LY6S: variants seen among roughly 807,000 people sequenced by gnomAD.
LY6S encodes the protein lymphocyte antigen 6 family member S, also known as lymphocyte antigen 6S.
chr8:143,072,472 C>T, the LY6S span, among the ~76,000 whole-genome samples: 2 of 129,738 alleles, frequency 1.5e-5, 1 homozygote, highest in African/African-American at 6.7e-5. Context: ...AGGAGACAGC[C>T]GTCCTCCCCG....
the LY6S span, chr8:143,044,213 G>T: frequency 2.2e-6 from 1 of 456,180 alleles, no homozygotes; most frequent in African/African-American, 2.0e-5. Flanking sequence ...CTCACAGCCT[G>T]CGCCTCTCCT....
the LY6S span, chr8:143,057,751 C>A: frequency 5.1e-6 from 4 of 787,274 alleles, no homozygotes; most frequent in Admixed American, 3.4e-5. Context: ...CTGTGTCGAT[C>A]TGATCAGCTC....
At chr8:143,048,802 G>A in the LY6S span, among the ~76,000 whole-genome samples, 1 of 152,134 alleles carries the variant, frequency 6.6e-6, no homozygotes, top group Non-Finnish European at 1.5e-5. Context: ...TTAAGAGTGC[G>A]CTGTCCCTCC....
chr8:143,072,156 A>G, the LY6S span, among the ~76,000 whole-genome samples: 2 of 152,226 alleles, frequency 1.3e-5, no homozygotes, highest in Non-Finnish European at 2.9e-5. Flanking sequence ...ATTTCTTACC[A>G]GTGTCTGCTT....
At chr8:143,073,416 G>A in the LY6S span, among the ~76,000 whole-genome samples, 1 of 101,990 alleles carries the variant, frequency 9.8e-6, no homozygotes, top group African/African-American at 5.2e-5. Context: ...CCTGTTTGAG[G>A]AGACAGCCGT....
the LY6S span, among the ~76,000 whole-genome samples, chr8:143,056,834 A>G: frequency 2.0e-5 from 3 of 152,224 alleles, no homozygotes; most frequent in Non-Finnish European, 4.4e-5. Context: ...CATCGCTGAT[A>G]TTTTTGAGGA....
the LY6S span, chr8:143,066,590 TG>T: frequency 3.5e-6 from 1 of 288,270 alleles, no homozygotes; most frequent in South Asian, 4.0e-5. Context: ...TTTGTCATCT[TG>T]GAGGCATAGA....
At chr8:143,066,896 A>G in the LY6S span, among the ~76,000 whole-genome samples, 1 of 152,154 alleles carries the variant, frequency 6.6e-6, no homozygotes. Context: ...GGGTGGAATG[A>G]TATGGTTTAG....
chr8:143,044,588 G>C, the LY6S span: 5 of 1,205,640 alleles, frequency 4.1e-6, no homozygotes, highest in Non-Finnish European at 4.3e-6. Flanking sequence ...AAGTGCTGAG[G>C]GCTTGTAGGG....
chr8:143,055,848 C>T, the LY6S span, among the ~76,000 whole-genome samples: 1 of 152,152 alleles, frequency 6.6e-6, no homozygotes, highest in Non-Finnish European at 1.5e-5. Context: ...TAAATGGCTG[C>T]TTAGACGACG....
chr8:143,059,113 C>T, the LY6S span, among the ~76,000 whole-genome samples: 2 of 152,304 alleles, frequency 1.3e-5, no homozygotes, highest in South Asian at 2.1e-4. Flanking sequence ...TCTCTTGCCT[C>T]GGCGCCTGGG....
chr8:143,050,683 C>A, the LY6S span, among the ~76,000 whole-genome samples: 731 of 152,264 alleles, frequency 4.8e-3, 5 homozygotes, highest in African/African-American at 0.017. Context: ...CTGGGAGAAC[C>A]TAACTCGTTC....
At chr8:143,062,654 C>G in the LY6S span, among the ~76,000 whole-genome samples, 690 of 152,238 alleles carry the variant, frequency 4.5e-3, 7 homozygotes, top group South Asian at 9.5e-3. Context: ...GCCTGGGTGA[C>G]AGAGTGAGAC....
the LY6S span, among the ~76,000 whole-genome samples, chr8:143,058,705 G>A: frequency 6.6e-6 from 1 of 152,272 alleles, no homozygotes; most frequent in Non-Finnish European, 1.5e-5. Context: ...CTGGGGAAAG[G>A]GAGACTTCCT....
the LY6S span, chr8:143,066,656 G>A: frequency 3.5e-5 from 6 of 170,626 alleles, no homozygotes; most frequent in Non-Finnish European, 6.4e-5. Flanking sequence ...TTTTGGAATG[G>A]GAATGTTTAC....
chr8:143,074,180 C>T, the LY6S span, among the ~76,000 whole-genome samples: 1 of 152,134 alleles, frequency 6.6e-6, no homozygotes, highest in Non-Finnish European at 1.5e-5. Context: ...TGTCTCTTAC[C>T]AATTTTGGAA....
the LY6S span, among the ~76,000 whole-genome samples, chr8:143,061,872 C>G: frequency 6.6e-6 from 1 of 152,166 alleles, no homozygotes; most frequent in Non-Finnish European, 1.5e-5. Flanking sequence ...CTTTAAGTAA[C>G]TGATAGAACA....
At chr8:143,072,382 GA>G in the LY6S span, among the ~76,000 whole-genome samples, 1 of 137,684 alleles carries the variant, frequency 7.3e-6, no homozygotes, top group African/African-American at 2.9e-5. Flanking sequence ...TCGTCCTCGG[GA>G]TTCCTCTTTG....
chr8:143,070,487 A>ATTTTTTTTTT, the LY6S span, among the ~76,000 whole-genome samples: 2 of 84,072 alleles, frequency 2.4e-5, no homozygotes, highest in African/African-American at 1.5e-4. Flanking sequence ...ATATATATAT[A>ATTTTTTTTTT]TATTTTTTTT....
Sources: gnomAD v4.1 joint callset for allele counts (sites outside exome capture counted in the v4.1 genomes callset) on GRCh38, gnomAD v4.1.1 for gene constraint, MANE v1.5 for transcripts, NCBI Gene and HGNC (gene_info 2026-07-23, HGNC 2026-07-21) for gene names.